The following SMYD3 variants were observed in gnomAD, a reference collection of about 807,000 sequenced individuals.
The protein encoded by SMYD3 is SET and MYND domain containing 3.
Under a neutral mutation model 57.7 loss-of-function variants are expected in SMYD3, and 36 were observed. The observed-to-expected ratio is 0.62, with a 90% CI of 0.48 to 0.82. The LOEUF is 0.82. Ranked by LOEUF, SMYD3 falls within the 40% of genes least tolerant of loss-of-function variation. The probability of loss-of-function intolerance (pLI) is 0.00; values close to 1 mark genes in which losing one functional copy is unlikely to be tolerated. For synonymous variants in SMYD3, 211 were observed against 195.0 expected (o/e 1.08, Z -0.68); for missense variants, 515 against 538.8 (o/e 0.96, Z 0.44).
chr1:245,910,388 A>G (rs74596030), intron 8 of SMYD3, among the ~76,000 whole-genome samples: 9,232 of 152,218 alleles, frequency 0.061, 557 homozygotes, highest in African/African-American at 0.14. Flanking sequence ...TACATTTTCA[A>G]TGTAATCCAT....
intron 1 of SMYD3, among the ~76,000 whole-genome samples, chr1:246,455,507 T>C (rs560454629): frequency 5.9e-5 from 9 of 152,314 alleles, no homozygotes; most frequent in Admixed American, 2.0e-4. Flanking sequence ...AGAGGTTTCC[T>C]AGAAAGAAAT....
chr1:245,919,736 G>A (rs1311594222), intron 7 of SMYD3, among the ~76,000 whole-genome samples: 1 of 152,134 alleles, frequency 6.6e-6, no homozygotes, highest in Non-Finnish European at 1.5e-5. Context: ...GTAAATGTAA[G>A]GCTCATTTAG....
chr1:245,914,100 C>T (rs576228015), intron 8 of SMYD3, among the ~76,000 whole-genome samples: 13 of 152,222 alleles, frequency 8.5e-5, no homozygotes, highest in African/African-American at 2.9e-4. Context: ...TAAATTTAAC[C>T]AAGGAGGTGA....
chr1:245,764,091 G>C lies in SMYD3; in HGVS notation c.1135C>G (p.Leu379Val), dbSNP rs778849787. Residue 379 changes from leucine (L) to valine (V), a missense_variant, in exon 11 of 12, where the codon CTG (leucine) becomes GTG (valine). Physicochemically the swap from Leu to Val is conservative, Grantham distance 32. Transcript: ENST00000490107. Reference protein sequence around the residue: ...RGVQVMKVGKLQLHQGMFPQA... With the variant: ...RGVQVMKVGKVQLHQGMFPQA... Reference sequence around the variant, plus strand: ...GGAAACATGCCTTGATGTAGCTGCAGTTTGCCAACTTTCATCACTTGAACC... The same window carrying C: ...GGAAACATGCCTTGATGTAGCTGCACTTTGCCAACTTTCATCACTTGAACC... 2.5e-6 allele frequency: 4 copies of C among 1,614,096 alleles called. No homozygotes were observed. The highest frequency in any genetic ancestry group is 3.4e-6 in the Non-Finnish European group (4 of 1,180,012).
intron 5 of SMYD3, among the ~76,000 whole-genome samples, chr1:246,084,559 T>A (rs1274879489): frequency 6.6e-6 from 1 of 152,186 alleles, no homozygotes. Context: ...AGTGCCTATA[T>A]ATAATTTATC....
intron 1 of SMYD3, among the ~76,000 whole-genome samples, chr1:246,437,714 C>T (rs1164993249): frequency 6.6e-5 from 10 of 152,168 alleles, no homozygotes; most frequent in Admixed American, 6.5e-4. Context: ...CCAAAATATT[C>T]TAATATAATT....
At position 246,275,488 on chromosome 1, in the gene SMYD3, T is replaced by C. The variant is rs77012813; in HGVS notation, c.531+51713A>G. Among the ~76,000 whole-genome samples the C allele has an allele frequency of 3.9e-5, 4 of 102,154 alleles. 1 individual carries two copies. Among genetic ancestry groups the C allele is most frequent in the African/African-American group, 9.5e-5 (3 of 31,518 alleles). The allele number at this position is 102,154 out of a possible 152,430, so 67.0% of individuals were successfully genotyped here. A position where few individuals can be genotyped will look rare whatever the true frequency, so the allele number is the denominator to read the frequency against. On this transcript the variant is annotated intron_variant, in intron 5 of 11. Transcript: ENST00000490107. ...ATTAACACTGGCAGGTTATTTAATG[T>C]CTCTAGTGGAGTCTGATGCCCATGT...
chr1:246,329,338 C>T (rs574533665), intron 4 of SMYD3, among the ~76,000 whole-genome samples: 3,581 of 152,248 alleles, frequency 0.024, 138 homozygotes, highest in African/African-American at 0.081. Context: ...TTCTCCACAT[C>T]CTCTCCAGCA....
chr1:246,117,985 A>G (rs1160036888), intron 5 of SMYD3, among the ~76,000 whole-genome samples: 4 of 152,176 alleles, frequency 2.6e-5, no homozygotes, highest in Non-Finnish European at 5.9e-5. Context: ...AGGTCCTAGG[A>G]GGCAAAGACC....
intron 5 of SMYD3, 134 bp from the exon 6 acceptor site, chr1:245,930,071 G>A (rs1456104892): frequency 2.8e-6 from 2 of 709,640 alleles, no homozygotes; most frequent in South Asian, 2.9e-5. Context: ...AGCCAATCAT[G>A]GATGCTCTTT....
intron 10 of SMYD3, among the ~76,000 whole-genome samples, chr1:245,777,138 T>C (rs1483391066): frequency 1.2e-4 from 18 of 152,236 alleles, no homozygotes; most frequent in Admixed American, 1.0e-3. Flanking sequence ...CCTAGTTGTC[T>C]GCATCACTAG....
chr1:246,200,246 T>A (rs1388604198), intron 5 of SMYD3, among the ~76,000 whole-genome samples: 2 of 150,960 alleles, frequency 1.3e-5, no homozygotes, highest in African/African-American at 2.4e-5. Flanking sequence ...AGATGCCCAC[T>A]GTAATAGAGT....
intron 5 of SMYD3, among the ~76,000 whole-genome samples, chr1:246,246,133 G>T (rs553454149): frequency 6.6e-6 from 1 of 152,106 alleles, no homozygotes; most frequent in South Asian, 2.1e-4. Flanking sequence ...ATCAGACAAC[G>T]ATCTTACTTT....
intron 5 of SMYD3, among the ~76,000 whole-genome samples, chr1:246,060,058 G>T (rs951889441): frequency 6.6e-6 from 1 of 152,132 alleles, no homozygotes; most frequent in African/African-American, 2.4e-5. Flanking sequence ...GGCCGAAGTG[G>T]AAGGATCACT....
At chr1:246,359,856 A>G (rs1275365999) in intron 1 of SMYD3, among the ~76,000 whole-genome samples, 1 of 152,232 alleles carries the variant, frequency 6.6e-6, no homozygotes, top group Non-Finnish European at 1.5e-5. Flanking sequence ...CCAACATTAC[A>G]CTGAACAGGG....
chr1:246,307,704 C>A (rs1487912089), intron 5 of SMYD3, among the ~76,000 whole-genome samples: 1 of 152,128 alleles, frequency 6.6e-6, no homozygotes, highest in Non-Finnish European at 1.5e-5. Flanking sequence ...CAGGCGTGAG[C>A]CACCGCGCCC....
At position 245,949,974 on chromosome 1, in the gene SMYD3, G is replaced by A. The variant is rs143288200; in HGVS notation, c.532-20037C>T. ...CTGGAAGGAGCACAAGTCACTGTCT[G>A]TGGAAGAGAAAGCGAAAAATAAATA... On this transcript the variant is annotated intron_variant, in intron 5 of 11. Coordinates refer to ENST00000490107, the MANE Select transcript of SMYD3 (RefSeq NM_001167740.2). 2.0e-5 allele frequency among the ~76,000 whole-genome samples: 3 copies of A among 152,220 alleles called. No individual in the cohort carries two copies. In the East Asian group the frequency reaches 5.8e-4, roughly 29 times the overall value.
At chr1:246,375,117 G>T (rs892759984) in intron 1 of SMYD3, among the ~76,000 whole-genome samples, 2 of 151,840 alleles carry the variant, frequency 1.3e-5, no homozygotes, top group Admixed American at 1.3e-4. Context: ...ATAAAATAAG[G>T]TGTCTTTAAA....
chr1:246,081,036 CTT>C (rs2060629882), intron 5 of SMYD3, among the ~76,000 whole-genome samples: 1 of 152,056 alleles, frequency 6.6e-6, no homozygotes, highest in Non-Finnish European at 1.5e-5. Context: ...TAAGTTACCA[CTT>C]TGTTTGATTA....
Sources: gnomAD v4.1 joint callset for allele counts (sites outside exome capture counted in the v4.1 genomes callset) on GRCh38, gnomAD v4.1.1 for gene constraint, MANE v1.5 for transcripts, NCBI Gene and HGNC (gene_info 2026-07-23, HGNC 2026-07-21) for gene names.